The following LIMA1 variants were observed in gnomAD, a reference collection of about 807,000 sequenced individuals.
LIMA1 encodes LIM domain and actin-binding protein 1.
In LIMA1, 52 loss-of-function variants were observed where a neutral mutation model predicts 62.6. The observed-to-expected ratio is 0.83, with a 90% CI of 0.67 to 1.05. LIMA1 has a LOEUF of 1.05. Ranked by LOEUF, LIMA1 falls within the 50% of genes least tolerant of loss-of-function variation. The pLI is 0.00. For synonymous variants in LIMA1, 302 were observed against 317.8 expected, an observed-to-expected ratio of 0.95 and a Z score of 0.53; for missense variants, 780 against 902.2, an observed-to-expected ratio of 0.86 and a Z score of 1.74.
chr12:50,196,296 A>AT (rs1302373172), intron 7 of LIMA1, among the ~76,000 whole-genome samples: 9 of 152,180 alleles, frequency 5.9e-5, no homozygotes, highest in African/African-American at 2.2e-4. Context: ...TATAGGAACC[A>AT]TTCTTATTTT....
chr12:50,178,161 A>G, intron 10 of LIMA1, 92 bp from the exon 11 acceptor site: 1 of 971,412 alleles, frequency 1.0e-6, no homozygotes, highest in Non-Finnish European at 1.4e-6. Context: ...CAGTATTTTC[A>G]GAAGATGCCA....
chr12:50,256,678 C>G (rs1282858713), intron 1 of LIMA1, among the ~76,000 whole-genome samples: 2 of 152,000 alleles, frequency 1.3e-5, no homozygotes, highest in African/African-American at 4.8e-5. Flanking sequence ...GTAGAATGTT[C>G]CTCAATTTGG....
At position 50,178,137 on chromosome 12, in the gene LIMA1, A is replaced by C. The variant is rs191864903; in HGVS notation, c.1275-68T>G. On this transcript the variant is annotated intron_variant, in intron 10 of 10. Coordinates refer to ENST00000341247, the MANE Select transcript of LIMA1 (RefSeq NM_016357.5). ...CATTCTCACTTATACCAGGAGGCTA[A>C]AATCTGGCAATTCCAGTATTTTCAG... is the stretch of plus-strand genomic sequence containing the variant. The C allele has an allele frequency of 1.1e-5, 14 of 1,228,530 alleles. No individual in the cohort carries two copies. The East Asian group carries it at 3.8e-4, about 34-fold the overall frequency. 76.1% of individuals were successfully genotyped at this position (1,228,530 alleles called of 1,614,324 possible).
chr12:50,245,959 C>T (rs1463795835), intron 2 of LIMA1, among the ~76,000 whole-genome samples: 2 of 151,694 alleles, frequency 1.3e-5, no homozygotes, highest in Non-Finnish European at 1.5e-5. Flanking sequence ...CCAGGCCGGG[C>T]GTGGTGGCTC....
At chr12:50,191,748 G>A (rs1940778157) in intron 9 of LIMA1, among the ~76,000 whole-genome samples, 1 of 152,306 alleles carries the variant, frequency 6.6e-6, no homozygotes, top group Admixed American at 6.5e-5. Context: ...CGTGAACCCG[G>A]GAGGCGGAGC....
At chr12:50,257,365 G>A (rs911913407) in intron 1 of LIMA1, among the ~76,000 whole-genome samples, 1 of 152,090 alleles carries the variant, frequency 6.6e-6, no homozygotes, top group Non-Finnish European at 1.5e-5. Flanking sequence ...AGTGAGGGTC[G>A]TGATCAACTC....
intron 1 of LIMA1, among the ~76,000 whole-genome samples, chr12:50,271,466 C>G (rs1942211268): frequency 6.6e-6 from 1 of 152,080 alleles, no homozygotes; most frequent in South Asian, 2.1e-4. Context: ...CCCAGCTGAT[C>G]ATTAACTTAT....
chr12:50,202,932 ATATG>A (rs979330960), intron 6 of LIMA1, among the ~76,000 whole-genome samples: 2 of 152,060 alleles, frequency 1.3e-5, no homozygotes, highest in African/African-American at 4.8e-5. Context: ...GGATACAAAA[ATATG>A]TGTGTGTACA....
At chr12:50,216,950 A>G (rs1941355020) in intron 4 of LIMA1, among the ~76,000 whole-genome samples, 1 of 152,126 alleles carries the variant, frequency 6.6e-6, no homozygotes, top group Non-Finnish European at 1.5e-5. Context: ...AATAACTGAG[A>G]AATAGGCTTT....
intron 3 of LIMA1, 37 bp from the exon 4 acceptor site, chr12:50,222,522 C>G: frequency 1.2e-6 from 2 of 1,613,224 alleles, no homozygotes; most frequent in Non-Finnish European, 1.7e-6. Flanking sequence ...TTATAACTTG[C>G]CTGCTGAAAC....
At chr12:50,274,307 C>G (rs1049557318) in intron 1 of LIMA1, among the ~76,000 whole-genome samples, 1 of 152,130 alleles carries the variant, frequency 6.6e-6, no homozygotes, top group Admixed American at 6.6e-5. Flanking sequence ...CAGACAAGGC[C>G]GAGCGCGATG....
At chr12:50,230,723 C>G (rs1349176087) in intron 3 of LIMA1, among the ~76,000 whole-genome samples, 1 of 151,950 alleles carries the variant, frequency 6.6e-6, no homozygotes, top group East Asian at 1.9e-4. Context: ...ACTACAGGCG[C>G]CCGCCACCAC....
chr12:50,180,303 A>G (rs970017771), intron 10 of LIMA1, among the ~76,000 whole-genome samples: 26 of 136,578 alleles, frequency 1.9e-4, no homozygotes, highest in Non-Finnish European at 3.1e-5. Context: ...CCATCTCCGG[A>G]AAAAAAAAAA....
chr12:50,212,465 G>T (rs1480612169), intron 4 of LIMA1, among the ~76,000 whole-genome samples: 1 of 152,174 alleles, frequency 6.6e-6, no homozygotes, highest in Non-Finnish European at 1.5e-5. Flanking sequence ...TTTCTTCAGG[G>T]ACTCTCTTAG....
At chr12:50,250,414 A>AC (rs1307666933) in intron 1 of LIMA1, among the ~76,000 whole-genome samples, 1 of 151,250 alleles carries the variant, frequency 6.6e-6, no homozygotes, top group Non-Finnish European at 1.5e-5. Flanking sequence ...ACATAGCAAG[A>AC]CCCCCTCTTC....
chr12:50,191,547 C>T (rs1054261612), intron 9 of LIMA1, among the ~76,000 whole-genome samples: 2 of 151,036 alleles, frequency 1.3e-5, no homozygotes, highest in African/African-American at 4.9e-5. Flanking sequence ...ACAGGCCAGG[C>T]GCAGTGGTTC....
At chr12:50,266,601 A>G (rs1565863917) in intron 1 of LIMA1, among the ~76,000 whole-genome samples, 1 of 152,222 alleles carries the variant, frequency 6.6e-6, no homozygotes, top group African/African-American at 2.4e-5. Flanking sequence ...TGCTTGTACT[A>G]TTGCCTACCT....
intron 1 of LIMA1, among the ~76,000 whole-genome samples, chr12:50,269,083 A>G (rs1043540186): frequency 1.3e-5 from 2 of 152,206 alleles, no homozygotes; most frequent in Non-Finnish European, 2.9e-5. Flanking sequence ...TAACATGAGG[A>G]AAATTACTCT....
At chr12:50,261,045 T>A (rs1426893627) in intron 1 of LIMA1, among the ~76,000 whole-genome samples, 7 of 36,750 alleles carry the variant, frequency 1.9e-4, no homozygotes, top group Non-Finnish European at 2.6e-4. Flanking sequence ...CTAGTATATT[T>A]TTTTTTTTTT....
Sources: gnomAD v4.1 joint callset for allele counts (sites outside exome capture counted in the v4.1 genomes callset) on GRCh38, gnomAD v4.1.1 for gene constraint, MANE v1.5 for transcripts, NCBI Gene and HGNC (gene_info 2026-07-23, HGNC 2026-07-21) for gene names.